The following PAM variants were observed in gnomAD, a reference collection of about 807,000 sequenced individuals.
The protein encoded by PAM is peptidylglycine alpha-amidating monooxygenase.
In PAM, 72 loss-of-function variants were observed where a neutral mutation model predicts 122.1. That is an observed-to-expected ratio of 0.59 (90% confidence interval 0.49 to 0.72). The LOEUF (loss-of-function observed/expected upper bound fraction) is 0.72. PAM is among the 30% of genes least tolerant of loss of function. PAM has a pLI of 0.00. For synonymous variants in PAM, 389 were observed against 404.4 expected (o/e 0.96, Z 0.46); for missense variants, 1,106 against 1,183.7 (o/e 0.93, Z 0.96).
chr5:102,796,192 G>A (rs1763335175), intron 1 of PAM, among the ~76,000 whole-genome samples: 1 of 152,118 alleles, frequency 6.6e-6, no homozygotes, highest in African/African-American at 2.4e-5. Context: ...CACCAGTGGA[G>A]TTGGACCCTC....
At chr5:102,775,512 C>T (rs1406092152) in intron 1 of PAM, among the ~76,000 whole-genome samples, 2 of 152,054 alleles carry the variant, frequency 1.3e-5, no homozygotes, top group Non-Finnish European at 2.9e-5. Flanking sequence ...CCCCGAAAGG[C>T]CCCAGTGTGT....
chr5:102,949,028 A>G, intron 9 of PAM, among the ~76,000 whole-genome samples: 1 of 152,098 alleles, frequency 6.6e-6, no homozygotes, highest in East Asian at 1.9e-4. Context: ...TCTTAAAGTT[A>G]ATGACCAGTA....
chr5:103,016,246 C>T (rs889596734), intron 21 of PAM, among the ~76,000 whole-genome samples: 3 of 152,130 alleles, frequency 2.0e-5, no homozygotes, highest in Non-Finnish European at 2.9e-5. Flanking sequence ...TTCTAAAGTA[C>T]GATAGTATCT....
intron 16 of PAM, among the ~76,000 whole-genome samples, chr5:103,001,562 T>A (rs912103478): frequency 3.3e-5 from 5 of 152,158 alleles, no homozygotes; most frequent in Admixed American, 6.5e-5. Context: ...TGAATCAATA[T>A]TTTGTGTTCA....
chr5:102,838,148 G>A (rs1465078412), intron 1 of PAM: 2 of 152,050 alleles, frequency 1.3e-5, no homozygotes, highest in African/African-American at 4.8e-5. Flanking sequence ...ATGTAAATAA[G>A]TATCATCAAT....
intron 12 of PAM, among the ~76,000 whole-genome samples, chr5:102,955,355 A>G (rs1582137004): frequency 6.6e-6 from 1 of 152,080 alleles, no homozygotes; most frequent in African/African-American, 2.4e-5. Context: ...ATATAAATAA[A>G]TATTTTCAGA....
intron 15 of PAM, among the ~76,000 whole-genome samples, chr5:102,976,050 T>C (rs1169668650): frequency 6.6e-6 from 1 of 152,172 alleles, no homozygotes; most frequent in Admixed American, 6.5e-5. Flanking sequence ...CAAATGGTAG[T>C]GCTCAAGAGA....
intron 14 of PAM, among the ~76,000 whole-genome samples, chr5:102,970,781 AG>A (rs1379211503): frequency 8.0e-6 from 1 of 125,708 alleles, no homozygotes; most frequent in African/African-American, 3.4e-5. Context: ...GGAACCTAAA[AG>A]GGCTTTTTTT....
At chr5:103,004,594 T>G (rs756342627) in intron 17 of PAM, among the ~76,000 whole-genome samples, 4 of 152,210 alleles carry the variant, frequency 2.6e-5, no homozygotes, top group Non-Finnish European at 5.9e-5. Flanking sequence ...CAGATTAACC[T>G]TCTCTAATGT....
chr5:102,892,423 G>A (rs1393402437), intron 3 of PAM, among the ~76,000 whole-genome samples: 1 of 151,828 alleles, frequency 6.6e-6, no homozygotes, highest in Admixed American at 6.6e-5. Flanking sequence ...GTCATTTTAA[G>A]TTGGTCTTCT....
At chr5:103,011,785 T>A (rs1780709050) in intron 21 of PAM, among the ~76,000 whole-genome samples, 1 of 152,004 alleles carries the variant, frequency 6.6e-6, no homozygotes, top group Non-Finnish European at 1.5e-5. Context: ...TAACCAGCAA[T>A]GGGATTTCTG....
chr5:102,987,004 C>G (rs187849846), intron 15 of PAM, among the ~76,000 whole-genome samples: 5 of 152,234 alleles, frequency 3.3e-5, no homozygotes, highest in African/African-American at 1.2e-4. Context: ...AGTGTGAAAA[C>G]AGATTAATAC....
At chr5:102,774,376 G>A (rs1474226748) in intron 1 of PAM, among the ~76,000 whole-genome samples, 1 of 152,000 alleles carries the variant, frequency 6.6e-6, no homozygotes, top group Admixed American at 6.6e-5. Context: ...TATGGCAGCA[G>A]TATAGTGTGG....
rs148182169 is a variant in PAM at position 102,959,880 on chromosome 5, C to T, written c.911C>T (p.Thr304Met). The T allele has an allele frequency of 8.7e-6, 14 of 1,607,306 alleles. No individual in the cohort carries two copies. The highest frequency in any genetic ancestry group is 1.7e-5 in the Admixed American group (1 of 59,702). ...GRTEATHIGG[T>M]SSDEMCNLYI... is the part of the protein sequence containing the mutation. ...TATCTTTTTTTTGCCTGCAGTGGCACGTCTAGTGATGAAATGTGCAACTTA... is the reference window on the plus strand; with the variant it reads ...TATCTTTTTTTTGCCTGCAGTGGCATGTCTAGTGATGAAATGTGCAACTTA... The change falls in exon 13 of 26, where the codon ACG becomes ATG. Residue 304 changes from threonine to methionine, a missense_variant. Physicochemically the swap from Thr to Met is moderately conservative, Grantham distance 81 (BLOSUM62 -1). Around this residue, in one of 3 missense-constraint regions of PAM, gnomAD observed 670 missense variants for 690.3 expected, o/e 0.97. Transcript: ENST00000438793.
chr5:102,854,880 G>A (rs975039632), intron 1 of PAM, among the ~76,000 whole-genome samples: 3 of 152,126 alleles, frequency 2.0e-5, no homozygotes, highest in Non-Finnish European at 4.4e-5. Context: ...ATAGTTCATG[G>A]GGAATTTGGG....
chr5:102,803,129 A>AAAAAAAAAC (rs1371433942), intron 1 of PAM, among the ~76,000 whole-genome samples: 4 of 142,896 alleles, frequency 2.8e-5, no homozygotes, highest in African/African-American at 1.1e-4. Context: ...TGTCCAAAAA[A>AAAAAAAAAC]AAAGAAAGAA....
At chr5:102,879,974 C>T (rs1183959020) in intron 3 of PAM, among the ~76,000 whole-genome samples, 1 of 152,106 alleles carries the variant, frequency 6.6e-6, no homozygotes, top group Non-Finnish European at 1.5e-5. Flanking sequence ...CAGAACATAT[C>T]CCCATTGTTA....
chr5:102,926,706 G>A, intron 7 of PAM, 38 bp downstream of exon 7: 1 of 996,750 alleles, frequency 1.0e-6, no homozygotes, highest in Non-Finnish European at 1.6e-6. Flanking sequence ...AAAACTTCTA[G>A]TACTATATTG....
intron 1 of PAM, among the ~76,000 whole-genome samples, chr5:102,813,976 C>G (rs1204270671): frequency 2.0e-5 from 3 of 152,174 alleles, no homozygotes; most frequent in Non-Finnish European, 2.9e-5. Flanking sequence ...TGCCCCATAC[C>G]TGTTGCTTAC....
Sources: allele counts gnomAD v4.1 joint callset (sites outside exome capture counted in the v4.1 genomes callset), GRCh38; gene constraint gnomAD v4.1.1; regional missense constraint gnomAD v4.1.1; transcripts MANE v1.5; gene names NCBI Gene and HGNC (gene_info 2026-07-23, HGNC 2026-07-21).